Variants in CDC25C observed in about 807,000 individuals in gnomAD.
CDC25C encodes the protein M-phase inducer phosphatase 3.
In CDC25C, 48 loss-of-function variants were observed where a neutral mutation model predicts 52.5. The observed-to-expected ratio is 0.91, with a 90% CI of 0.72 to 1.16. CDC25C has a LOEUF of 1.16. Ranked by LOEUF, CDC25C falls within the 50% of genes most tolerant of loss-of-function variation. The pLI, the probability that CDC25C is intolerant of heterozygous loss-of-function variation, is 0.00. For missense variants in CDC25C, 510 were observed against 566.1 expected, an observed-to-expected ratio of 0.90 and a Z score of 1.01; for synonymous variants, 187 against 206.5, an observed-to-expected ratio of 0.91 and a Z score of 0.81.
chr5:138,296,782 T>C (rs183591402), intron 7 of CDC25C, among the ~76,000 whole-genome samples: 1 of 150,828 alleles, frequency 6.6e-6, no homozygotes, highest in Admixed American at 6.6e-5. Flanking sequence ...ATTTTTTGTA[T>C]TTTTAGTAGA....
chr5:138,321,779 A>C (rs1485769566), intron 6 of CDC25C, among the ~76,000 whole-genome samples: 8 of 138,898 alleles, frequency 5.8e-5, no homozygotes, highest in East Asian at 2.1e-4. Context: ...AAAAAAAAAA[A>C]AAACCATGAT....
At chr5:138,293,224 T>C (rs989607031) in intron 7 of CDC25C, among the ~76,000 whole-genome samples, 1 of 152,186 alleles carries the variant, frequency 6.6e-6, no homozygotes. Context: ...CAGACACTGA[T>C]GACTGGACCA....
upstream of CDC25C, among the ~76,000 whole-genome samples, chr5:138,334,020 G>A (rs374255106): frequency 5.3e-5 from 8 of 151,848 alleles, no homozygotes; most frequent in East Asian, 1.6e-3. Flanking sequence ...TGCAACCTCT[G>A]CCTCCTGGGT....
At chr5:138,315,843 G>C (rs1758827641) in intron 7 of CDC25C, among the ~76,000 whole-genome samples, 1 of 152,242 alleles carries the variant, frequency 6.6e-6, no homozygotes, top group African/African-American at 2.4e-5. Context: ...CAGAGGGCTT[G>C]CTGCTGTCAT....
At chr5:138,298,257 T>G (rs1447165331) in intron 7 of CDC25C, among the ~76,000 whole-genome samples, 2 of 150,778 alleles carry the variant, frequency 1.3e-5, no homozygotes, top group Admixed American at 1.3e-4. Context: ...TGCCTTAGCC[T>G]CCCAAAGTGC....
At position 138,288,554 on chromosome 5, in the gene CDC25C, G is replaced by A. The variant is rs116458728; in HGVS notation, c.927+947C>T. Among the ~76,000 whole-genome samples, 6 of 152,180 alleles carry A rather than the reference G, an allele frequency of 3.9e-5. No homozygotes were observed. The East Asian group carries it at 7.8e-4, about 20-fold the overall frequency. On this transcript the variant is annotated intron_variant, in intron 10 of 13. Coordinates refer to ENST00000323760, the MANE Select transcript of CDC25C (RefSeq NM_001790.5). ...TCTACTAAAAATACAAAAATTAGTC[G>A]GTGTGATGGCTGGCACCTGTAATCC...
At chr5:138,318,639 T>C (rs1008875911) in intron 7 of CDC25C, among the ~76,000 whole-genome samples, 4 of 150,912 alleles carry the variant, frequency 2.7e-5, no homozygotes, top group African/African-American at 7.3e-5. Context: ...CGCTTGAACC[T>C]GGGAAGAGGA....
At chr5:138,294,499 A>T (rs1210821427) in intron 7 of CDC25C, among the ~76,000 whole-genome samples, 79 of 96,006 alleles carry the variant, frequency 8.2e-4, no homozygotes, top group African/African-American at 3.2e-3. Context: ...CACTCAGCTA[A>T]TTTTTTTTTT....
intron 7 of CDC25C, among the ~76,000 whole-genome samples, chr5:138,303,492 C>T (rs577587557): frequency 2.0e-5 from 3 of 152,298 alleles, no homozygotes; most frequent in East Asian, 1.9e-4. Flanking sequence ...TTGCTCCCTC[C>T]GCTTCAGCCA....
chr5:138,313,514 T>C (rs1758616190), intron 7 of CDC25C, among the ~76,000 whole-genome samples: 1 of 151,818 alleles, frequency 6.6e-6, no homozygotes, highest in Non-Finnish European at 1.5e-5. Flanking sequence ...ATGATTAAAA[T>C]TGTAAATTTT....
At position 138,291,951 on chromosome 5, in the gene CDC25C, C is replaced by T; in HGVS notation, c.762+19G>A. On this transcript the variant is annotated intron_variant, in intron 8 of 13. Transcript: ENST00000323760. ...TGAGATAGAAGATGAACAAGATTTT[C>T]ATCTTAAAAAGTTCTTACCTTCCTG... 5 of 1,588,624 alleles carry T rather than the reference C, an allele frequency of 3.1e-6. No individual in the cohort carries two copies. Among genetic ancestry groups the T allele is most frequent in the Non-Finnish European group, 4.3e-6 (5 of 1,166,502 alleles).
At chr5:138,304,748 C>T (rs929125386) in intron 7 of CDC25C, among the ~76,000 whole-genome samples, 5 of 152,084 alleles carry the variant, frequency 3.3e-5, no homozygotes, top group Admixed American at 6.6e-5. Flanking sequence ...GCTCAAGCAA[C>T]TCTCCTGCCT....
At chr5:138,303,635 G>A (rs1027640716) in intron 7 of CDC25C, among the ~76,000 whole-genome samples, 2 of 152,092 alleles carry the variant, frequency 1.3e-5, no homozygotes, top group Admixed American at 1.3e-4. Flanking sequence ...TCTTTCAGAT[G>A]TCTGCTCAAA....
intron 6 of CDC25C, among the ~76,000 whole-genome samples, chr5:138,324,649 G>C (rs759250521): frequency 6.6e-6 from 1 of 151,198 alleles, no homozygotes; most frequent in Non-Finnish European, 1.5e-5. Flanking sequence ...TCCCAGCTAC[G>C]TGGGAGGCTG....
At chr5:138,312,059 C>T (rs1417209223) in intron 7 of CDC25C, among the ~76,000 whole-genome samples, 1 of 152,094 alleles carries the variant, frequency 6.6e-6, no homozygotes, top group Admixed American at 6.6e-5. Context: ...CAAGTGTTGG[C>T]TATGATATGG....
chr5:138,286,943 C>T (rs1756296652), intron 11 of CDC25C, among the ~76,000 whole-genome samples: 1 of 152,064 alleles, frequency 6.6e-6, no homozygotes, highest in African/African-American at 2.4e-5. Flanking sequence ...CTAGGTAGGA[C>T]CCCTTGGCTC....
In CDC25C at chr5:138,287,199, A is replaced by G. The variant is rs764390462; in HGVS notation, c.996T>C (p.Tyr332=). 6.2e-7 allele frequency: 1 copy of G among 1,614,010 alleles called. No homozygotes were observed. Among genetic ancestry groups the G allele is most frequent in the South Asian group, 1.1e-5 (1 of 91,078 alleles). The change falls in exon 11 of 14, where the codon TAT becomes TAC. Residue 332 remains tyrosine, a synonymous_variant. Transcript: ENST00000323760. ...TGTGTCCTCCCAGATACTCATATGG[A>G]TAGCGACAATCAATGACATAAAACT... ...IEKFYVIDCR[Y]PYEYLGGHIQ... is the part of the protein sequence containing the mutation.
chr5:138,302,650 G>C (rs895764159), intron 7 of CDC25C, among the ~76,000 whole-genome samples: 3 of 151,452 alleles, frequency 2.0e-5, no homozygotes, highest in Non-Finnish European at 4.4e-5. Flanking sequence ...GGTGAGCTGA[G>C]ATTGCACCAT....
At chr5:138,323,366 T>C (rs1759588571) in intron 6 of CDC25C, among the ~76,000 whole-genome samples, 1 of 152,166 alleles carries the variant, frequency 6.6e-6, no homozygotes, top group Non-Finnish European at 1.5e-5. Flanking sequence ...CTCCCAATTA[T>C]AACTCACTGG....
Sources: allele counts gnomAD v4.1 joint callset (sites outside exome capture counted in the v4.1 genomes callset), GRCh38; gene constraint gnomAD v4.1.1; transcripts MANE v1.5; gene names NCBI Gene and HGNC (gene_info 2026-07-23, HGNC 2026-07-21).